WWP1: variants seen among roughly 807,000 people sequenced by gnomAD.
WWP1 encodes the protein WW domain containing E3 ubiquitin protein ligase 1, also known as NEDD4-like E3 ubiquitin-protein ligase WWP1.
In WWP1, 49 loss-of-function variants were observed where a neutral mutation model predicts 130.6. The observed-to-expected ratio is 0.38, with a 90% CI of 0.30 to 0.48. The LOEUF is 0.48. WWP1 is among the 20% of genes least tolerant of loss of function. The probability of loss-of-function intolerance (pLI) is 0.99; values close to 1 mark genes in which losing one functional copy is unlikely to be tolerated. For missense variants in WWP1, 809 were observed against 1,100.6 expected, an observed-to-expected ratio of 0.74 and a Z score of 3.75; for synonymous variants, 332 against 367.8, an observed-to-expected ratio of 0.90 and a Z score of 1.11.
At chr8:86,461,134 A>C in intron 22 of WWP1, 90 bp from the exon 23 acceptor site, 1 of 1,179,020 alleles carries the variant, frequency 8.5e-7, no homozygotes, top group Admixed American at 1.8e-5. Context: ...GAACCAATTC[A>C]GTGTTATTTA....
chr8:86,465,356 G>A (rs987254243), intron 24 of WWP1, among the ~76,000 whole-genome samples: 1 of 152,126 alleles, frequency 6.6e-6, no homozygotes, highest in African/African-American at 2.4e-5. Context: ...AGAATTCTCT[G>A]ATGGTCCAGG....
At chr8:86,346,370 C>T (rs1822579825) in intron 1 of WWP1, among the ~76,000 whole-genome samples, 1 of 152,062 alleles carries the variant, frequency 6.6e-6, no homozygotes, top group Admixed American at 6.5e-5. Flanking sequence ...TTGTAGTGAG[C>T]CGAGATTGCG....
At chr8:86,435,288 A>C (rs1810227776) in intron 14 of WWP1, among the ~76,000 whole-genome samples, 164 bp from the exon 15 acceptor site, 2 of 152,116 alleles carry the variant, frequency 1.3e-5, no homozygotes, top group African/African-American at 4.8e-5. Flanking sequence ...AATAGTCCCC[A>C]TTACTTGAGC....
At chr8:86,401,179 A>T (rs1390877996) in intron 7 of WWP1, among the ~76,000 whole-genome samples, 1 of 152,008 alleles carries the variant, frequency 6.6e-6, no homozygotes, top group Non-Finnish European at 1.5e-5. Context: ...ATCATCCTGT[A>T]GTCATGATTT....
Position 86,438,687 on chromosome 8 carries a change from C to T in WWP1, c.1838+14C>T. The stretch of plus-strand genomic sequence containing the variant: ...TGGCCTAGCGAGGTAAAATAAAAAA[C>T]ACATATCTGCCTTGAAATAAGTATA... On this transcript the variant is annotated intron_variant, in intron 17 of 24. Transcript: ENST00000517970. 2 of 1,576,148 alleles carry T rather than the reference C, an allele frequency of 1.3e-6. No individual in the cohort carries two copies. The highest frequency in any genetic ancestry group is 1.7e-6 in the Non-Finnish European group (2 of 1,160,352).
intron 1 of WWP1, 173 bp downstream of exon 1, chr8:86,343,103 G>T (rs774494839): frequency 4.5e-4 from 118 of 262,256 alleles, no homozygotes; most frequent in Admixed American, 1.9e-3. Context: ...TCTCCAGCCC[G>T]GGAGTCGGGA....
At position 86,468,130 on chromosome 8, in the gene WWP1, T is replaced by G. The variant is rs1812271928; in HGVS notation, c.*1237T>G. On this transcript the variant is annotated 3_prime_UTR_variant, in exon 25 of 25. Transcript: ENST00000517970. Reference sequence around the variant, plus strand: ...GGCTTCCTAATACAAAATTTTAAATTTCCATTTGTATCATGCTTTTAATAT... The same window carrying G: ...GGCTTCCTAATACAAAATTTTAAATGTCCATTTGTATCATGCTTTTAATAT... The G allele has an allele frequency of 5.6e-6, 1 of 178,420 alleles. No homozygotes were observed. The highest frequency in any genetic ancestry group is 1.1e-4 in the South Asian group (1 of 8,848). The allele number at this position is 178,420 out of a possible 1,614,324, so 11.1% of individuals were successfully genotyped here.
intron 16 of WWP1, among the ~76,000 whole-genome samples, chr8:86,437,403 A>G (rs1810349944): frequency 6.6e-6 from 1 of 152,260 alleles, no homozygotes; most frequent in Non-Finnish European, 1.5e-5. Flanking sequence ...GTGTGGTATA[A>G]ACAGGATGCA....
At chr8:86,357,437 T>C (rs1431302466) in intron 1 of WWP1, among the ~76,000 whole-genome samples, 1 of 152,242 alleles carries the variant, frequency 6.6e-6, no homozygotes, top group Non-Finnish European at 1.5e-5. Flanking sequence ...TGATGGTTCA[T>C]TTAAAAGAGC....
At chr8:86,366,663 G>A (rs1823989148) in intron 1 of WWP1, among the ~76,000 whole-genome samples, 1 of 152,066 alleles carries the variant, frequency 6.6e-6, no homozygotes, top group South Asian at 2.1e-4. Flanking sequence ...AAGTTTCTTT[G>A]AGATACATCA....
intron 16 of WWP1, among the ~76,000 whole-genome samples, chr8:86,437,201 A>G (rs1032061683): frequency 6.6e-6 from 1 of 152,226 alleles, no homozygotes; most frequent in African/African-American, 2.4e-5. Context: ...TGGTCCTGAC[A>G]TATGTGTGGA....
chr8:86,374,157 A>G (rs755470484), intron 3 of WWP1, 37 bp downstream of exon 3: 2 of 1,535,294 alleles, frequency 1.3e-6, no homozygotes, highest in South Asian at 2.4e-5. Flanking sequence ...TGATTCCCTG[A>G]TGAACTTTTC....
intron 1 of WWP1, among the ~76,000 whole-genome samples, chr8:86,352,148 G>C (rs998835958): frequency 6.7e-6 from 1 of 148,272 alleles, no homozygotes; most frequent in Non-Finnish European, 1.5e-5. Context: ...GGGCTCAAAC[G>C]ATCCTCCCAC....
intron 14 of WWP1, among the ~76,000 whole-genome samples, chr8:86,432,260 G>A (rs1236259374): frequency 6.6e-6 from 1 of 152,160 alleles, no homozygotes; most frequent in Non-Finnish European, 1.5e-5. Context: ...ACTCTAAGGT[G>A]TCATGTCTTT....
intron 1 of WWP1, among the ~76,000 whole-genome samples, chr8:86,361,991 T>TACATATATATACAC (rs1482502853): frequency 7.8e-6 from 1 of 128,190 alleles, no homozygotes; most frequent in African/African-American, 2.7e-5. Flanking sequence ...TATATATATA[T>TACATATATATACAC]ACATATATAT....
chr8:86,393,038 G>T (rs1210561077), intron 5 of WWP1, among the ~76,000 whole-genome samples: 2 of 152,020 alleles, frequency 1.3e-5, no homozygotes, highest in Non-Finnish European at 2.9e-5. Context: ...GCATTTCTTT[G>T]ATTATTAATA....
chr8:86,416,535 T>C (rs960915343), intron 9 of WWP1, among the ~76,000 whole-genome samples: 3 of 152,234 alleles, frequency 2.0e-5, no homozygotes, highest in African/African-American at 4.8e-5. Flanking sequence ...CCAAATTTTA[T>C]TATTTTTATT....
intron 1 of WWP1, among the ~76,000 whole-genome samples, chr8:86,348,329 C>T (rs965341534): frequency 2.6e-5 from 4 of 152,120 alleles, no homozygotes; most frequent in African/African-American, 9.7e-5. Context: ...AGAGATTCTC[C>T]TGCCTCAGCC....
chr8:86,398,569 C>G lies in WWP1; in HGVS notation c.473-3C>G. On this transcript the variant is annotated splice_region_variant and splice_polypyrimidine_tract_variant and intron_variant, in intron 6 of 24. Coordinates refer to ENST00000517970, the MANE Select transcript of WWP1 (RefSeq NM_007013.4). ...CCTAGTTTTTTTCTTTCTTGTTGTT[C>G]AGTAGAAATACAGGAAAATGGTGAT... 2 of 1,612,674 alleles carry G rather than the reference C, an allele frequency of 1.2e-6. No homozygotes were observed. Among genetic ancestry groups the G allele is most frequent in the Non-Finnish European group, 1.7e-6 (2 of 1,179,580 alleles).
Sources: allele counts gnomAD v4.1 joint callset (sites outside exome capture counted in the v4.1 genomes callset), GRCh38; gene constraint gnomAD v4.1.1; transcripts MANE v1.5; gene names NCBI Gene and HGNC (gene_info 2026-07-23, HGNC 2026-07-21).